Variants in KCNMA1 observed in about 807,000 individuals in gnomAD.
KCNMA1 encodes the protein Calcium-activated potassium channel subunit alpha-1.
Under a neutral mutation model 140.0 loss-of-function variants are expected in KCNMA1, and 29 were observed. The ratio of observed to expected loss-of-function variants is 0.21; its 90% CI spans 0.15 to 0.28. The LOEUF (loss-of-function observed/expected upper bound fraction) is 0.28. Among genes scored for constraint, KCNMA1 ranks in the 10% least tolerant of loss-of-function variants. The probability of loss-of-function intolerance (pLI) is 1.00; values close to 1 mark genes in which losing one functional copy is unlikely to be tolerated. For synonymous variants in KCNMA1, 612 were observed against 611.9 expected (o/e 1.00, Z 0.00); for missense variants, 880 against 1,602.2 (o/e 0.55, Z 7.70).
In KCNMA1 at chr10:77,403,863, AG is replaced by A; in HGVS notation, c.538del (p.Leu180TrpfsTer4). The A allele has an allele frequency of 6.2e-7, 1 of 1,613,134 alleles. No individual in the cohort carries two copies. Among genetic ancestry groups the A allele is most frequent in the Non-Finnish European group, 8.5e-7 (1 of 1,179,428 alleles). On this transcript the variant is annotated frameshift_variant and splice_region_variant, in exon 2 of 28. Coordinates refer to ENST00000286628, the MANE Select transcript of KCNMA1 (RefSeq NM_001161352.2). LOFTEE classifies it high-confidence loss of function. ...TGTGAGAAGTGGGTGGAGACTCACCAGGACTCTGCCAGTCAGTGTCTGGGCG... is the reference window on the plus strand; with the variant it reads ...TGTGAGAAGTGGGTGGAGACTCACCAGACTCTGCCAGTCAGTGTCTGGGCG... ...ISAQTLTGRV[L>X]VVLVFALSIG...
At position 77,108,078 on chromosome 10, in the gene KCNMA1, C is replaced by A. The variant is rs927874813; in HGVS notation, c.1223+403G>T. Among the ~76,000 whole-genome samples the A allele has an allele frequency of 2.0e-5, 3 of 152,142 alleles. No individual in the cohort carries two copies. Among genetic ancestry groups the A allele is most frequent in the Admixed American group, 1.3e-4 (2 of 15,270 alleles). On this transcript the variant is annotated intron_variant, in intron 9 of 27. Transcript: ENST00000286628. This position sits in a 1 kb window ranked among gnomAD's most constrained non-coding sequence, Gnocchi z 4.6. ...AAATGGACTCCTTTCAGGATAAATT[C>A]ATTACATCTCTTGGAATTTGTGAAT...
chr10:76,945,004 G>T, intron 22 of KCNMA1, 39 bp from the exon 23 acceptor site: 1 of 1,547,810 alleles, frequency 6.5e-7, no homozygotes, highest in Non-Finnish European at 8.9e-7. Context: ...AGAGATGGGG[G>T]GAGAAAGAGA....
chr10:77,073,030 G>T, intron 14 of KCNMA1, 67 bp downstream of exon 14: 1 of 1,441,530 alleles, frequency 6.9e-7, no homozygotes, highest in Non-Finnish European at 9.8e-7. Flanking sequence ...TTTAAGCTGT[G>T]CTCTCTACTC....
intron 2 of KCNMA1, among the ~76,000 whole-genome samples, chr10:77,276,349 A>C (rs971562706): frequency 1.3e-5 from 2 of 152,332 alleles, no homozygotes; most frequent in Middle Eastern, 6.8e-3. Context: ...GCAAACTCAG[A>C]ATCTTGAGCC....
At position 77,001,272 on chromosome 10, in the gene KCNMA1, T is replaced by G. The variant is rs561155122; in HGVS notation, c.2266+135A>C. 13 of 797,360 alleles carry G rather than the reference T, an allele frequency of 1.6e-5. No individual in the cohort carries two copies. In the Admixed American group the frequency reaches 2.3e-4, roughly 14 times the overall value. The allele number at this position is 797,360 out of a possible 1,614,324, so 49.4% of individuals were successfully genotyped here. ...AGAGACATAGGCAGCTGGGGCAACA[T>G]GTCAGCACACAGGAGTTCACACTGG... On this transcript the variant is annotated intron_variant, in intron 19 of 27. Transcript: ENST00000286628.
intron 1 of KCNMA1, among the ~76,000 whole-genome samples, chr10:77,419,871 T>A (rs189357811): frequency 6.6e-6 from 1 of 152,288 alleles, no homozygotes; most frequent in African/African-American, 2.4e-5. Context: ...TTGGTCCCAG[T>A]GGCCAAAGCA....
At chr10:76,957,302 C>T (rs2068785996) in intron 20 of KCNMA1, among the ~76,000 whole-genome samples, 1 of 151,834 alleles carries the variant, frequency 6.6e-6, no homozygotes, top group Admixed American at 6.6e-5. Flanking sequence ...CTGAAGATGC[C>T]CCATACCATA....
chr10:77,633,112 C>T (rs1222425342), intron 1 of KCNMA1, among the ~76,000 whole-genome samples: 3 of 152,132 alleles, frequency 2.0e-5, no homozygotes, highest in Admixed American at 1.3e-4. Flanking sequence ...GTCAGGAGAT[C>T]AAGACAATCC....
intron 9 of KCNMA1, among the ~76,000 whole-genome samples, chr10:77,101,231 G>A (rs1022149165): frequency 5.3e-5 from 8 of 152,052 alleles, no homozygotes; most frequent in African/African-American, 1.9e-4. Flanking sequence ...AGAAGACATG[G>A]CATCTAATGA....
intron 3 of KCNMA1, among the ~76,000 whole-genome samples, chr10:77,191,080 G>C (rs1260413038): frequency 2.0e-5 from 3 of 152,138 alleles, no homozygotes; most frequent in Non-Finnish European, 2.9e-5. Flanking sequence ...CTATAACCAA[G>C]AGAGTAGGTC....
chr10:77,289,707 A>G (rs914377421), intron 2 of KCNMA1, among the ~76,000 whole-genome samples: 1 of 152,228 alleles, frequency 6.6e-6, no homozygotes, highest in African/African-American at 2.4e-5. Flanking sequence ...ACACTAATTT[A>G]ATAGATATAG....
intron 3 of KCNMA1, among the ~76,000 whole-genome samples, chr10:77,189,467 A>T (rs2098919357): frequency 6.6e-6 from 1 of 152,194 alleles, no homozygotes; most frequent in Non-Finnish European, 1.5e-5. Context: ...CGTTCCAATT[A>T]ACAATCAGAG....
At chr10:77,002,787 CACTTA>C (rs1478390409) in intron 18 of KCNMA1, among the ~76,000 whole-genome samples, 1 of 152,160 alleles carries the variant, frequency 6.6e-6, no homozygotes, top group East Asian at 1.9e-4. Context: ...GTTTGCTTAT[CACTTA>C]TCATGAACTG....
intron 5 of KCNMA1, among the ~76,000 whole-genome samples, chr10:77,158,576 C>T (rs1366616702): frequency 1.3e-5 from 2 of 152,130 alleles, no homozygotes. Context: ...CCCAGCTCCT[C>T]TCCCCTCTCT....
At chr10:77,520,211 T>C in intron 1 of KCNMA1, among the ~76,000 whole-genome samples, 1 of 146,538 alleles carries the variant, frequency 6.8e-6, no homozygotes, top group African/African-American at 2.6e-5. Context: ...CAGTGTGAGG[T>C]CTGGGGTATG....
chr10:77,268,284 T>G (rs1158016203), intron 2 of KCNMA1, among the ~76,000 whole-genome samples: 1 of 152,070 alleles, frequency 6.6e-6, no homozygotes, highest in African/African-American at 2.4e-5. Flanking sequence ...AACGACAATG[T>G]CTAAAACCTC....
At chr10:77,064,778 C>G (rs950570461) in intron 14 of KCNMA1, among the ~76,000 whole-genome samples, 23 of 152,122 alleles carry the variant, frequency 1.5e-4, no homozygotes, top group African/African-American at 5.6e-4. Context: ...AAATAGGATA[C>G]TGGGGTTTAG....
At chr10:77,475,948 C>T (rs769841438) in intron 1 of KCNMA1, among the ~76,000 whole-genome samples, 9 of 152,292 alleles carry the variant, frequency 5.9e-5, no homozygotes, top group Non-Finnish European at 1.3e-4. Context: ...CCTGCCCTGT[C>T]AATTTGACTT....
At chr10:77,078,778 G>A (rs539789178) in intron 13 of KCNMA1, among the ~76,000 whole-genome samples, 7 of 152,288 alleles carry the variant, frequency 4.6e-5, no homozygotes, top group African/African-American at 1.2e-4. Flanking sequence ...CACACAGTAT[G>A]TATTCAATAA....
Sources: gnomAD v4.1 joint callset for allele counts (sites outside exome capture counted in the v4.1 genomes callset) on GRCh38, gnomAD v4.1.1 for gene constraint, Gnocchi (gnomAD v3.1) non-coding constraint, MANE v1.5 for transcripts, NCBI Gene and HGNC (gene_info 2026-07-23, HGNC 2026-07-21) for gene names.